The following MTRF1 variants were observed in gnomAD, a reference collection of about 807,000 sequenced individuals.
MTRF1 encodes the protein peptide chain release factor 1, mitochondrial.
MTRF1 carries 51 observed loss-of-function variants against 62.9 expected under a neutral mutation model. The ratio of observed to expected loss-of-function variants is 0.81; its 90% CI spans 0.65 to 1.02. The LOEUF is 1.02. Among genes scored for constraint, MTRF1 ranks in the 50% least tolerant of loss-of-function variants. The pLI is 0.00. For missense variants in MTRF1, 446 were observed against 530.0 expected, an observed-to-expected ratio of 0.84 and a Z score of 1.56; for synonymous variants, 158 against 181.9, an observed-to-expected ratio of 0.87 and a Z score of 1.06.
the MTRF1 span, among the ~76,000 whole-genome samples, chr13:41,273,193 G>T: frequency 4.6e-5 from 7 of 152,078 alleles, no homozygotes; most frequent in Non-Finnish European, 5.9e-5. Context: ...GGGCGTGGTG[G>T]TGGGCGCCTG....
At chr13:41,282,882 C>T in the MTRF1 span, among the ~76,000 whole-genome samples, 1 of 152,240 alleles carries the variant, frequency 6.6e-6, no homozygotes, top group Non-Finnish European at 1.5e-5. Flanking sequence ...TGCCCTCCTG[C>T]CTGACTGTGT....
At chr13:41,302,073 C>T in the MTRF1 span, among the ~76,000 whole-genome samples, 1 of 152,064 alleles carries the variant, frequency 6.6e-6, no homozygotes, top group African/African-American at 2.4e-5. Flanking sequence ...GTTGCCTAGG[C>T]TGGAGTGCAG....
chr13:41,282,210 T>C, the MTRF1 span, among the ~76,000 whole-genome samples: 3 of 151,202 alleles, frequency 2.0e-5, no homozygotes, highest in African/African-American at 7.3e-5. Context: ...AAGAATAGGC[T>C]AATGGCGATT....
chr13:41,248,123 A>G (rs1022545333), intron 5 of MTRF1, among the ~76,000 whole-genome samples: 2 of 152,242 alleles, frequency 1.3e-5, no homozygotes, highest in African/African-American at 4.8e-5. Context: ...GGGGACCTAC[A>G]CACTCCCCTT....
the MTRF1 span, among the ~76,000 whole-genome samples, chr13:41,271,964 GA>G: frequency 2.0e-5 from 3 of 151,950 alleles, no homozygotes; most frequent in South Asian, 6.2e-4. Flanking sequence ...CTTCCTAGGA[GA>G]AAAAAACAAA....
rs368171359 is a variant in MTRF1 at position 41,223,293 on chromosome 13, C to T, written c.1187G>A (p.Ser396Asn). 1.9e-5 allele frequency: 31 copies of T among 1,613,940 alleles called. No homozygotes were observed. Among genetic ancestry groups the T allele is most frequent in the Non-Finnish European group, 2.5e-5 (30 of 1,179,958 alleles). The part of the protein sequence containing the change: ...RTYNFTQDRV[S>N]DHRIAYEVRD... ...AACTTCATATGCTATCCTGTGGTCACTGACTCTATCCTGGGTGAAATTATA... is the reference window on the plus strand; with the variant it reads ...AACTTCATATGCTATCCTGTGGTCATTGACTCTATCCTGGGTGAAATTATA... Residue 396 changes from serine to asparagine, a missense_variant, in exon 9 of 10, where the codon AGT becomes AAT. Coordinates refer to ENST00000379480, the MANE Select transcript of MTRF1 (RefSeq NM_004294.4).
At chr13:41,284,543 C>CAA in the MTRF1 span, among the ~76,000 whole-genome samples, 272 of 70,658 alleles carry the variant, frequency 3.8e-3, no homozygotes, top group African/African-American at 0.014. Flanking sequence ...GACCGTGTCT[C>CAA]AAAAAAAAAA....
chr13:41,275,122 T>G, the MTRF1 span, among the ~76,000 whole-genome samples: 2 of 152,342 alleles, frequency 1.3e-5, no homozygotes, highest in South Asian at 4.1e-4. Flanking sequence ...ATTCATTTGA[T>G]GAATCAGGTT....
upstream of MTRF1, among the ~76,000 whole-genome samples, chr13:41,266,447 G>C (rs1484476480): frequency 1.3e-5 from 2 of 151,320 alleles, no homozygotes; most frequent in Non-Finnish European, 2.9e-5. Context: ...CCCTATCTCT[G>C]CTAAAAATGC....
intron 7 of MTRF1, among the ~76,000 whole-genome samples, chr13:41,226,807 T>C (rs995680986): frequency 6.6e-6 from 1 of 152,192 alleles, no homozygotes; most frequent in Non-Finnish European, 1.5e-5. Flanking sequence ...CATCCACAGA[T>C]GATTACCTGT....
At chr13:41,256,748 G>T (rs2039779496) in intron 2 of MTRF1, among the ~76,000 whole-genome samples, 1 of 152,166 alleles carries the variant, frequency 6.6e-6, no homozygotes. Context: ...CTTCTGATTT[G>T]CAATCATATA....
At chr13:41,239,173 G>A (rs1226490473) in intron 6 of MTRF1, among the ~76,000 whole-genome samples, 2 of 151,982 alleles carry the variant, frequency 1.3e-5, no homozygotes, top group African/African-American at 4.8e-5. Context: ...GGTTAAGGCA[G>A]GAGGATCACC....
intron 7 of MTRF1, among the ~76,000 whole-genome samples, chr13:41,226,924 T>C (rs1337806037): frequency 1.3e-5 from 2 of 152,152 alleles, no homozygotes; most frequent in Admixed American, 6.6e-5. Context: ...TGCTCCATTC[T>C]CTGTCCAACT....
chr13:41,239,944 C>T (rs1395962117), intron 6 of MTRF1, among the ~76,000 whole-genome samples: 2 of 151,928 alleles, frequency 1.3e-5, no homozygotes, highest in African/African-American at 2.4e-5. Context: ...GCGGACTGCC[C>T]GAGGTCAGGA....
the MTRF1 span, among the ~76,000 whole-genome samples, chr13:41,281,174 ATCTT>A: frequency 1.3e-5 from 2 of 152,048 alleles, no homozygotes; most frequent in African/African-American, 4.8e-5. Flanking sequence ...TCATGCATTT[ATCTT>A]TCTCTGTTTT....
intron 2 of MTRF1, among the ~76,000 whole-genome samples, chr13:41,259,544 CAAAA>C (rs1365695960): frequency 5.6e-4 from 84 of 150,046 alleles, no homozygotes; most frequent in African/African-American, 1.9e-3. Context: ...TACTGAAATA[CAAAA>C]AAAATTAGCT....
chr13:41,225,936 T>C (rs759163925), intron 8 of MTRF1, among the ~76,000 whole-genome samples: 6 of 152,016 alleles, frequency 3.9e-5, no homozygotes, highest in Non-Finnish European at 7.4e-5. Context: ...ATATATATTG[T>C]ACAAAATTCA....
intron 2 of MTRF1, among the ~76,000 whole-genome samples, chr13:41,259,515 C>T (rs747532337): frequency 6.6e-6 from 1 of 151,804 alleles, no homozygotes; most frequent in Non-Finnish European, 1.5e-5. Flanking sequence ...GCCTGGCCAA[C>T]ATGGTGAAAC....
At chr13:41,311,716 TCGCGGG>T in the MTRF1 span, 1 of 776,936 alleles carries the variant, frequency 1.3e-6, no homozygotes, top group East Asian at 3.0e-5. Flanking sequence ...ACCTCGGAGG[TCGCGGG>T]ACCCCACTTT....
Sources: allele counts gnomAD v4.1 joint callset (sites outside exome capture counted in the v4.1 genomes callset), GRCh38; gene constraint gnomAD v4.1.1; transcripts MANE v1.5; gene names NCBI Gene and HGNC (gene_info 2026-07-23, HGNC 2026-07-21).